NT5C3B: variants seen among roughly 807,000 people sequenced by gnomAD.
NT5C3B encodes the protein 5'-nucleotidase, cytosolic IIIB, also known as 7-methylguanosine phosphate-specific 5'-nucleotidase.
A neutral mutation model predicts 32.5 loss-of-function variants in NT5C3B; 28 were observed. That is an observed-to-expected ratio of 0.86 (90% CI 0.64 to 1.18). The LOEUF is 1.18. Ranked by LOEUF, NT5C3B falls within the 50% of genes most tolerant of loss-of-function variation. NT5C3B has a pLI of 0.00. For synonymous variants in NT5C3B, 138 were observed against 118.0 expected (o/e 1.17, Z -1.10); for missense variants, 317 against 322.0 (o/e 0.98, Z 0.12).
chr17:41,829,784 C>T lies in NT5C3B; in HGVS notation c.405-832G>A, dbSNP rs189484883. Among the ~76,000 whole-genome samples the T allele has an allele frequency of 9.9e-5, 15 of 152,234 alleles. No individual in the cohort carries two copies. In the East Asian group the frequency reaches 2.9e-3, roughly 29 times the overall value. On this transcript the variant is annotated intron_variant, in intron 6 of 8. Transcript: ENST00000435506. ...GTTATGGATACAGCTGCCATGAATA[C>T]CCTGTGCATGTCTTATAGTGGCTAC...
In NT5C3B at chr17:41,835,176, A is replaced by G. The variant is rs782282999; in HGVS notation, c.181+27T>C. ...TAGAACCCATCGTCTTGTCAAGCTC[A>G]ACAAGGGAAGCTAGAATGTGACTTA... On this transcript the variant is annotated intron_variant, in intron 3 of 8. Coordinates refer to ENST00000435506, the MANE Select transcript of NT5C3B (RefSeq NM_052935.5). 2.1e-5 allele frequency: 34 copies of G among 1,612,878 alleles called. 1 individual carries two copies. The Middle Eastern group carries it at 2.8e-3, about 133-fold the overall frequency.
Position 41,831,009 on chromosome 17 carries a change from C to T in NT5C3B, c.315-119G>A, listed in dbSNP as rs1289826005. 25 of 708,314 alleles carry T rather than the reference C, an allele frequency of 3.5e-5. 1 individual carries two copies. The highest frequency in any genetic ancestry group is 6.0e-5 in the Non-Finnish European group (24 of 398,352). The allele number at this position is 708,314 out of a possible 1,614,324, so 43.9% of individuals were successfully genotyped here. A position where few individuals can be genotyped will look rare whatever the true frequency, so the allele number is the denominator to read the frequency against. ...ATTGCCGACAGAGGCCTCATCCTTA[C>T]GTTAGCTGCCCTTAAAAGGAAGAGG... is the stretch of plus-strand genomic sequence containing the variant. On this transcript the variant is annotated intron_variant, in intron 5 of 8. Coordinates refer to ENST00000435506, the MANE Select transcript of NT5C3B (RefSeq NM_052935.5).
At chr17:41,835,635 G>C (rs1555619801) in intron 2 of NT5C3B, 1 of 703,084 alleles carries the variant, frequency 1.4e-6, no homozygotes, top group Non-Finnish European at 2.6e-6. Context: ...TACTGGTGTG[G>C]GCGCCTTCTG....
intron 5 of NT5C3B, 69 bp downstream of exon 5, chr17:41,832,323 A>G (rs2048064774): frequency 1.5e-6 from 2 of 1,341,732 alleles, no homozygotes; most frequent in Non-Finnish European, 2.1e-6. Flanking sequence ...AAGGGTCTGG[A>G]AAAATATGCC....
intron 4 of NT5C3B, among the ~76,000 whole-genome samples, chr17:41,832,947 G>A (rs1324631504): frequency 6.6e-6 from 1 of 152,160 alleles, no homozygotes; most frequent in African/African-American, 2.4e-5. Flanking sequence ...TTGGGGACAT[G>A]TCATTTATAA....
chr17:41,833,220 A>C (rs532603226), intron 4 of NT5C3B, among the ~76,000 whole-genome samples: 43 of 152,332 alleles, frequency 2.8e-4, no homozygotes, highest in African/African-American at 1.0e-3. Context: ...TGTGTTTCCC[A>C]GAATGTGGTC....
intron 8 of NT5C3B, 53 bp downstream of exon 8, chr17:41,827,373 G>T (rs1191946868): frequency 1.2e-6 from 1 of 811,766 alleles, no homozygotes; most frequent in Admixed American, 1.9e-5. Flanking sequence ...TTGTTAATGG[G>T]CATTCAAAGA....
At chr17:41,834,225 G>A (rs562743146) in intron 4 of NT5C3B, among the ~76,000 whole-genome samples, 1 of 151,866 alleles carries the variant, frequency 6.6e-6, no homozygotes, top group Non-Finnish European at 1.5e-5. Flanking sequence ...GAGAAACCTC[G>A]TCTCTACTAA....
intron 5 of NT5C3B, among the ~76,000 whole-genome samples, chr17:41,831,844 T>C (rs1555619097): frequency 6.6e-6 from 1 of 152,092 alleles, no homozygotes; most frequent in African/African-American, 2.4e-5. Context: ...TTGCTTGAGC[T>C]CAGGAGTTGA....
At chr17:41,830,070 T>C (rs2048026629) in intron 6 of NT5C3B, among the ~76,000 whole-genome samples, 1 of 152,220 alleles carries the variant, frequency 6.6e-6, no homozygotes, top group South Asian at 2.1e-4. Context: ...TGAGGATTTC[T>C]TTCCTCCAGA....
At position 41,836,212 on chromosome 17, in the gene NT5C3B, G is replaced by T. The variant is rs1306275451; in HGVS notation, c.-19C>A. 8 of 1,240,636 alleles carry T rather than the reference G, an allele frequency of 6.4e-6. No individual in the cohort carries two copies. The African/African-American group carries it at 1.3e-4, about 19-fold the overall frequency. 76.9% of individuals were successfully genotyped at this position (1,240,636 alleles called of 1,614,324 possible). A position where few individuals can be genotyped will look rare whatever the true frequency, so the allele number is the denominator to read the frequency against. ...CTGCCATCCCGTTCGAGGCCTGGTC[G>T]GCGGCTCGCGGGACAACGACAGCCC... is the stretch of plus-strand genomic sequence containing the variant. On this transcript the variant is annotated 5_prime_UTR_variant, in exon 1 of 9. Coordinates refer to ENST00000435506, the MANE Select transcript of NT5C3B (RefSeq NM_052935.5).
intron 1 of NT5C3B, 94 bp from the exon 2 acceptor site, chr17:41,836,051 C>T: frequency 7.1e-7 from 1 of 1,408,480 alleles, no homozygotes. Context: ...GAGGCGGGGC[C>T]GGGGTGCGCG....
At chr17:41,835,323 T>C (rs2048129158) in intron 2 of NT5C3B, 51 bp from the exon 3 acceptor site, 2 of 1,482,870 alleles carry the variant, frequency 1.3e-6, no homozygotes, top group South Asian at 1.1e-5. Context: ...AATTCTAGTG[T>C]GGCCCTGCCT....
intron 1 of NT5C3B, 34 bp from the exon 2 acceptor site, chr17:41,835,991 G>A (rs782099504): frequency 2.3e-4 from 346 of 1,529,354 alleles, no homozygotes; most frequent in Non-Finnish European, 3.0e-4. Flanking sequence ...ACTGACCCCT[G>A]CGCCACGCTG....
Position 41,827,476 on chromosome 17 carries a change from C to T in NT5C3B, c.718G>A (p.Gly240Arg). Residue 240 changes from glycine (G) to arginine (R), a missense_variant, in exon 8 of 9, where the codon GGG (glycine) becomes AGG (arginine). Transcript: ENST00000435506. ...DSIGDLTMAD[G>R]VPGVQNILKI... Reference sequence around the variant, plus strand: ...AGAATGTTCTGCACACCAGGAACCCCATCGGCCATGGTGAGGTCCCCGATA... The same window carrying T: ...AGAATGTTCTGCACACCAGGAACCCTATCGGCCATGGTGAGGTCCCCGATA... The T allele has an allele frequency of 1.1e-6, 1 of 872,946 alleles. No homozygotes were observed. The highest frequency in any genetic ancestry group is 2.0e-6 in the Non-Finnish European group (1 of 501,688). 54.1% of individuals were successfully genotyped at this position (872,946 alleles called of 1,614,324 possible).
chr17:41,834,740 C>T lies in NT5C3B; in HGVS notation c.228+330G>A, dbSNP rs541256224. 8.1e-4 allele frequency among the ~76,000 whole-genome samples: 124 copies of T among 152,242 alleles called. 1 individual carries two copies. The highest frequency in any genetic ancestry group is 3.1e-4 in the Non-Finnish European group (21 of 68,018). On this transcript the variant is annotated intron_variant, in intron 4 of 8. Transcript: ENST00000435506. ...CTCCAGCCTGGGTGATAGAGTGAGA[C>T]CCTGTCTCAAAACAAACAAACAAAC...
At chr17:41,835,470 C>CGCA (rs1567864527) in intron 2 of NT5C3B, 198 bp from the exon 3 acceptor site, 5 of 644,602 alleles carry the variant, frequency 7.8e-6, no homozygotes, top group Non-Finnish European at 1.4e-5. Context: ...CTGAGGAAAA[C>CGCA]GCAGTCTCCT....
At chr17:41,833,079 C>G (rs550389318) in intron 4 of NT5C3B, among the ~76,000 whole-genome samples, 148 of 152,310 alleles carry the variant, frequency 9.7e-4, no homozygotes, top group African/African-American at 3.6e-3. Flanking sequence ...CCTTTGTACT[C>G]ACCCTGAGAG....
chr17:41,827,634 A>C lies in NT5C3B; in HGVS notation c.568-8T>G. 1 of 851,394 alleles carries C rather than the reference A, an allele frequency of 1.2e-6. No homozygotes were observed. The highest frequency in any genetic ancestry group is 2.1e-6 in the Non-Finnish European group (1 of 482,262). 52.7% of individuals were successfully genotyped at this position (851,394 alleles called of 1,614,324 possible). On this transcript the variant is annotated splice_region_variant and splice_polypyrimidine_tract_variant and intron_variant, in intron 7 of 8. Transcript: ENST00000435506. ...AAATCCCTGGAGAAAACCCTAAATAATGAAGACAAGAGACAGATGGAAGGG... is the reference window on the plus strand; with the variant it reads ...AAATCCCTGGAGAAAACCCTAAATACTGAAGACAAGAGACAGATGGAAGGG...
Sources: allele counts gnomAD v4.1 joint callset (sites outside exome capture counted in the v4.1 genomes callset), GRCh38; gene constraint gnomAD v4.1.1; transcripts MANE v1.5; gene names NCBI Gene and HGNC (gene_info 2026-07-23, HGNC 2026-07-21).